The following TCEA3 variants were observed in gnomAD, a reference collection of about 807,000 sequenced individuals.
TCEA3 encodes transcription elongation factor A protein 3.
A neutral mutation model predicts 44.0 loss-of-function variants in TCEA3; 36 were observed. The ratio of observed to expected loss-of-function variants is 0.82; its 90% CI spans 0.63 to 1.08. The LOEUF (loss-of-function observed/expected upper bound fraction) is 1.08. Among genes scored for constraint, TCEA3 ranks in the 50% least tolerant of loss-of-function variants. TCEA3 has a pLI of 0.00. For missense variants in TCEA3, 392 were observed against 441.2 expected, an observed-to-expected ratio of 0.89 and a Z score of 1.00; for synonymous variants, 162 against 159.7, an observed-to-expected ratio of 1.01 and a Z score of -0.11.
At chr1:23,417,105 G>C in intron 4 of TCEA3, 144 bp downstream of exon 4, 1 of 997,426 alleles carries the variant, frequency 1.0e-6, no homozygotes, top group Non-Finnish European at 1.4e-6. Context: ...AGCCAAAGAA[G>C]ACCCCCAGAG....
chr1:23,398,679 C>T (rs1318163448), intron 5 of TCEA3, among the ~76,000 whole-genome samples: 1 of 152,196 alleles, frequency 6.6e-6, no homozygotes, highest in Non-Finnish European at 1.5e-5. Context: ...GAGAGGTACA[C>T]CACTGAGATT....
rs1243957031 is a variant in TCEA3, at chr1:23,418,257, C to A, written c.133-248G>T. 4 of 485,384 alleles carry A rather than the reference C, an allele frequency of 8.2e-6. No homozygotes were observed. In the East Asian group the frequency reaches 1.3e-4, roughly 16 times the overall value. The allele number at this position is 485,384 out of a possible 1,614,324, so 30.1% of individuals were successfully genotyped here. A position where few individuals can be genotyped will look rare whatever the true frequency, so the allele number is the denominator to read the frequency against. On this transcript the variant is annotated intron_variant, in intron 2 of 10. Coordinates refer to ENST00000450454, the MANE Select transcript of TCEA3 (RefSeq NM_003196.3). ...TCTGTAGCTTTGGTGAAACCTGAACCTAGGGTTGGGGGTGGCACTTGGCTG... is the reference window on the plus strand; with the variant it reads ...TCTGTAGCTTTGGTGAAACCTGAACATAGGGTTGGGGGTGGCACTTGGCTG...
chr1:23,390,917 C>T (rs1018607561), intron 8 of TCEA3, among the ~76,000 whole-genome samples: 2 of 151,968 alleles, frequency 1.3e-5, no homozygotes, highest in Admixed American at 6.6e-5. Flanking sequence ...TCATGGGTAT[C>T]TCAGAGCCTA....
chr1:23,407,029 C>G (rs1558055046), intron 5 of TCEA3, among the ~76,000 whole-genome samples: 1 of 152,214 alleles, frequency 6.6e-6, no homozygotes, highest in Non-Finnish European at 1.5e-5. Flanking sequence ...ACACACGCCT[C>G]AAATCCAACA....
chr1:23,412,870 C>T (rs1486403235), intron 4 of TCEA3, among the ~76,000 whole-genome samples: 1 of 152,176 alleles, frequency 6.6e-6, no homozygotes, highest in African/African-American at 2.4e-5. Flanking sequence ...AATGTGGTTA[C>T]AGTGTTTGTA....
At chr1:23,388,418 G>A (rs548502198) in intron 8 of TCEA3, among the ~76,000 whole-genome samples, 3 of 151,982 alleles carry the variant, frequency 2.0e-5, no homozygotes, top group Non-Finnish European at 4.4e-5. Flanking sequence ...GGATGGTCTC[G>A]ATCTCCTGAC....
intron 5 of TCEA3, among the ~76,000 whole-genome samples, chr1:23,400,390 T>TTTTTTTTTTTTTTAA (rs1639364539): frequency 7.3e-6 from 1 of 136,484 alleles, no homozygotes; most frequent in African/African-American, 2.6e-5. Context: ...TTTTTTTTTG[T>TTTTTTTTTTTTTTAA]AGAAATGGGG....
At chr1:23,407,420 A>G (rs993973491) in intron 5 of TCEA3, among the ~76,000 whole-genome samples, 8 of 151,776 alleles carry the variant, frequency 5.3e-5, no homozygotes, top group African/African-American at 1.7e-4. Flanking sequence ...GTACCCTCCA[A>G]TAGCTCCAGC....
At chr1:23,396,200 C>A (rs1439106974) in intron 7 of TCEA3, among the ~76,000 whole-genome samples, 1 of 152,058 alleles carries the variant, frequency 6.6e-6, no homozygotes, top group Non-Finnish European at 1.5e-5. Flanking sequence ...CAGATTGGCC[C>A]CTGGCTCTCC....
At chr1:23,405,774 G>C (rs1160795321) in intron 5 of TCEA3, among the ~76,000 whole-genome samples, 1 of 152,186 alleles carries the variant, frequency 6.6e-6, no homozygotes, top group Non-Finnish European at 1.5e-5. Context: ...TGAAGACAAA[G>C]TCAGGAGAGG....
intron 4 of TCEA3, among the ~76,000 whole-genome samples, chr1:23,413,592 C>T (rs1361804090): frequency 6.6e-6 from 1 of 152,104 alleles, no homozygotes; most frequent in African/African-American, 2.4e-5. Context: ...CACTACCATG[C>T]CCAGCTAATA....
At chr1:23,423,963 GCCCGTCCGGGCCGCAC>G in intron 1 of TCEA3, 1 of 415,072 alleles carries the variant, frequency 2.4e-6, no homozygotes, top group Admixed American at 2.8e-5. Flanking sequence ...TTCGGCCCCC[GCCCGTCCGGGCCGCAC>G]CCCAAGGCCA....
At chr1:23,392,452 A>ACTC (rs1639073576) in intron 8 of TCEA3, among the ~76,000 whole-genome samples, 1 of 136,012 alleles carries the variant, frequency 7.4e-6, no homozygotes, top group Non-Finnish European at 1.5e-5. Context: ...CACAATACAC[A>ACTC]CACACTCCAC....
intron 4 of TCEA3, among the ~76,000 whole-genome samples, chr1:23,413,986 G>A (rs369801649): frequency 3.2e-4 from 45 of 141,044 alleles, no homozygotes; most frequent in African/African-American, 1.1e-3. Context: ...CTAGCAGGAT[G>A]TATATATATA....
chr1:23,413,019 T>G (rs1639779122), intron 4 of TCEA3, among the ~76,000 whole-genome samples: 1 of 152,268 alleles, frequency 6.6e-6, no homozygotes. Context: ...GACAGCTTCA[T>G]TTCTGAGCCC....
intron 8 of TCEA3, among the ~76,000 whole-genome samples, chr1:23,390,539 T>C (rs953000208): frequency 4.6e-5 from 7 of 151,938 alleles, no homozygotes; most frequent in African/African-American, 1.7e-4. Flanking sequence ...AAGAATAGCA[T>C]GTTTGGGGAA....
At chr1:23,419,171 C>G (rs1277335973) in intron 1 of TCEA3, 32 bp from the exon 2 acceptor site, 1 of 1,553,836 alleles carries the variant, frequency 6.4e-7, no homozygotes, top group East Asian at 2.3e-5. Context: ...GGACTGGGGC[C>G]TGGGTCCTGA....
At chr1:23,418,086 C>A in intron 2 of TCEA3, 77 bp from the exon 3 acceptor site, 4 of 1,401,288 alleles carry the variant, frequency 2.9e-6, no homozygotes, top group Middle Eastern at 2.2e-4. Flanking sequence ...AGATCCTGCC[C>A]CAGCTCTACC....
chr1:23,383,260 A>G, intron 10 of TCEA3, among the ~76,000 whole-genome samples: 1 of 141,930 alleles, frequency 7.0e-6, no homozygotes, highest in East Asian at 2.1e-4. Flanking sequence ...AGCCTGGGCA[A>G]CAGAGCGAGA....
Sources: allele counts gnomAD v4.1 joint callset (sites outside exome capture counted in the v4.1 genomes callset), GRCh38; gene constraint gnomAD v4.1.1; transcripts MANE v1.5; gene names NCBI Gene and HGNC (gene_info 2026-07-23, HGNC 2026-07-21).